Variants in MACROD2 observed in about 807,000 individuals in gnomAD.
The protein encoded by MACROD2 is ADP-ribose glycohydrolase MACROD2.
In MACROD2, 36 loss-of-function variants were observed where a neutral mutation model predicts 70.4. That is an observed-to-expected ratio of 0.51 (90% CI 0.39 to 0.68). The LOEUF (loss-of-function observed/expected upper bound fraction) is 0.68. Ranked by LOEUF, MACROD2 falls within the 30% of genes least tolerant of loss-of-function variation. The pLI is 0.00. For synonymous variants in MACROD2, 172 were observed against 178.8 expected (o/e 0.96, Z 0.30); for missense variants, 496 against 538.4 (o/e 0.92, Z 0.78).
intron 5 of MACROD2, among the ~76,000 whole-genome samples, chr20:14,715,805 C>T (rs573016190): frequency 6.6e-6 from 1 of 152,254 alleles, no homozygotes; most frequent in South Asian, 2.1e-4. Flanking sequence ...GCTGAAAAGA[C>T]CCTAAAATTA....
intron 5 of MACROD2, among the ~76,000 whole-genome samples, chr20:15,139,556 A>G (rs1350546823): frequency 1.3e-5 from 2 of 152,154 alleles, no homozygotes; most frequent in Non-Finnish European, 2.9e-5. Context: ...GGGATGGGCT[A>G]AGGATGCAGG....
chr20:15,658,707 CT>C (rs1365037014), intron 8 of MACROD2, among the ~76,000 whole-genome samples: 1 of 152,198 alleles, frequency 6.6e-6, no homozygotes, highest in African/African-American at 2.4e-5. Flanking sequence ...TCCAAAGAAA[CT>C]TTCTTTTCCA....
chr20:15,763,145 A>G (rs1196411358), intron 8 of MACROD2, among the ~76,000 whole-genome samples: 1 of 152,148 alleles, frequency 6.6e-6, no homozygotes, highest in East Asian at 1.9e-4. Flanking sequence ...TTACCTGATA[A>G]CTGATACTTA....
At chr20:15,229,651 C>T (rs955380188) in intron 5 of MACROD2, among the ~76,000 whole-genome samples, 2 of 152,104 alleles carry the variant, frequency 1.3e-5, no homozygotes, top group African/African-American at 4.8e-5. Flanking sequence ...CAATTATGCA[C>T]GTCTTATACT....
At chr20:15,082,167 T>C (rs6034104) in intron 5 of MACROD2, among the ~76,000 whole-genome samples, 4,021 of 152,282 alleles carry the variant, frequency 0.026, 189 homozygotes, top group African/African-American at 0.092. Flanking sequence ...GGTTATCTGC[T>C]ACAAGTCCTT....
At chr20:15,848,888 A>G (rs569831997) in intron 8 of MACROD2, among the ~76,000 whole-genome samples, 1 of 152,294 alleles carries the variant, frequency 6.6e-6, no homozygotes, top group East Asian at 1.9e-4. Context: ...ACTGATTACA[A>G]GCTGGAAAGA....
intron 5 of MACROD2, among the ~76,000 whole-genome samples, chr20:15,108,983 A>G (rs960293546): frequency 1.3e-5 from 2 of 152,286 alleles, no homozygotes; most frequent in East Asian, 3.9e-4. Flanking sequence ...TATTACATAG[A>G]TCAAGGATCA....
At chr20:15,628,924 A>G (rs909451749) in intron 8 of MACROD2, among the ~76,000 whole-genome samples, 14 of 152,256 alleles carry the variant, frequency 9.2e-5, no homozygotes, top group African/African-American at 3.4e-4. Flanking sequence ...AAAGTCATCC[A>G]TGTTGTTACA....
At chr20:14,918,617 G>GTT (rs201821065) in intron 5 of MACROD2, among the ~76,000 whole-genome samples, 177 of 127,776 alleles carry the variant, frequency 1.4e-3, no homozygotes, top group African/African-American at 4.0e-3. Context: ...TGTTTTTTTT[G>GTT]TTTTTTTTTT....
rs532487661 is a variant in MACROD2 at position 15,063,785 on chromosome 20, T to C, written c.419-166155T>C. Among the ~76,000 whole-genome samples the C allele has an allele frequency of 1.4e-4, 22 of 152,276 alleles. No homozygotes were observed. The South Asian group carries it at 1.4e-3, about 10-fold the overall frequency. ...AACTATTCCCCTTTGGCCAGTTTTT[T>C]CCCCAACATCAGTAATATTATTCAG... On this transcript the variant is annotated intron_variant, in intron 5 of 17. Transcript: ENST00000684519.
At chr20:15,303,075 T>G (rs767101157) in intron 6 of MACROD2, among the ~76,000 whole-genome samples, 127 of 152,330 alleles carry the variant, frequency 8.3e-4, no homozygotes, top group Non-Finnish European at 1.7e-3. Flanking sequence ...TTTAAATTCC[T>G]TTTTCCTTAT....
intron 3 of MACROD2, among the ~76,000 whole-genome samples, chr20:14,415,192 G>A (rs1391102750): frequency 6.6e-6 from 1 of 152,136 alleles, no homozygotes. Context: ...AGTATTATTA[G>A]GGAGAGGTTG....
chr20:15,575,758 G>T lies in MACROD2; in HGVS notation c.645+75911G>T, dbSNP rs148535047. Among the ~76,000 whole-genome samples the T allele has an allele frequency of 6.8e-3, 1,038 of 152,252 alleles. 13 individuals carry two copies. The highest frequency in any genetic ancestry group is 0.024 in the African/African-American group (997 of 41,546). On this transcript the variant is annotated intron_variant, in intron 8 of 17. Transcript: ENST00000684519. The stretch of plus-strand genomic sequence containing the variant: ...GAATAGGGCTGCATAAATTTTCACA[G>T]ACTGGGCACATCCATGTAACCAGCA...
chr20:15,038,602 G>A (rs2075332063), intron 5 of MACROD2, among the ~76,000 whole-genome samples: 1 of 152,182 alleles, frequency 6.6e-6, no homozygotes. Flanking sequence ...CTCTGCTATG[G>A]CTGATTCAAC....
At chr20:14,334,315 A>T (rs988934808) in intron 3 of MACROD2, among the ~76,000 whole-genome samples, 7 of 152,192 alleles carry the variant, frequency 4.6e-5, no homozygotes, top group Non-Finnish European at 2.9e-5. Flanking sequence ...TGAAATGTGT[A>T]TACCTATTTT....
chr20:14,857,670 T>C (rs1032707936), intron 5 of MACROD2, among the ~76,000 whole-genome samples: 2 of 152,172 alleles, frequency 1.3e-5, no homozygotes, highest in Admixed American at 6.5e-5. Context: ...CAAGATTTGA[T>C]TTAAACAGAA....
intron 5 of MACROD2, among the ~76,000 whole-genome samples, chr20:14,818,898 G>A (rs896211032): frequency 3.8e-5 from 5 of 133,234 alleles, no homozygotes; most frequent in African/African-American, 1.5e-4. Flanking sequence ...GATAGCTATG[G>A]TTACTGTCTT....
At chr20:15,411,282 G>A (rs1482712934) in intron 6 of MACROD2, among the ~76,000 whole-genome samples, 1 of 151,742 alleles carries the variant, frequency 6.6e-6, no homozygotes, top group African/African-American at 2.4e-5. Context: ...ATTTCCTATT[G>A]TTAATCTGAA....
intron 4 of MACROD2, among the ~76,000 whole-genome samples, chr20:14,625,896 C>T (rs1039882660): frequency 2.6e-5 from 4 of 152,144 alleles, no homozygotes; most frequent in Admixed American, 2.0e-4. Flanking sequence ...AATCTCAGCT[C>T]ATTGCAACCT....
Sources: gnomAD v4.1 joint callset for allele counts (sites outside exome capture counted in the v4.1 genomes callset) on GRCh38, gnomAD v4.1.1 for gene constraint, MANE v1.5 for transcripts, NCBI Gene and HGNC (gene_info 2026-07-23, HGNC 2026-07-21) for gene names.